Variants in STEAP1B observed in about 807,000 individuals in gnomAD.
STEAP1B encodes STEAP family protein MGC87042.
STEAP1B carries 13 observed loss-of-function variants against 27.9 expected under a neutral mutation model. The ratio of observed to expected loss-of-function variants is 0.47; its 90% CI spans 0.30 to 0.74. The LOEUF is 0.74. STEAP1B is among the 30% of genes least tolerant of loss of function. The probability of loss-of-function intolerance (pLI) is 0.06; values close to 1 mark genes in which losing one functional copy is unlikely to be tolerated. For synonymous variants in STEAP1B, 86 were observed against 107.1 expected, an observed-to-expected ratio of 0.80 and a Z score of 1.22; for missense variants, 250 against 298.7, an observed-to-expected ratio of 0.84 and a Z score of 1.20.
intron 4 of STEAP1B, among the ~76,000 whole-genome samples, chr7:22,477,295 G>C (rs976506526): frequency 6.6e-6 from 1 of 152,138 alleles, no homozygotes; most frequent in African/African-American, 2.4e-5. Flanking sequence ...TGCCAGGCCT[G>C]AACTTGATCT....
At chr7:22,419,862 T>G in intron 4 of STEAP1B, 26 bp from the exon 5 acceptor site, 2 of 1,546,874 alleles carry the variant, frequency 1.3e-6, no homozygotes, top group Non-Finnish European at 1.7e-6. Context: ...CAAGAAAGAG[T>G]TGATGTATAG....
At chr7:22,438,426 G>A in intron 4 of STEAP1B, 3 of 1,495,958 alleles carry the variant, frequency 2.0e-6, no homozygotes, top group Non-Finnish European at 2.7e-6. Context: ...CTTCTACCAT[G>A]GTCTGGTCTG....
intron 4 of STEAP1B, among the ~76,000 whole-genome samples, chr7:22,446,443 C>T (rs542218415): frequency 3.9e-5 from 6 of 152,226 alleles, no homozygotes; most frequent in Non-Finnish European, 7.3e-5. Context: ...CCCAGAAAGA[C>T]AGAATCGGGA....
At chr7:22,451,256 A>T (rs555680457) in intron 4 of STEAP1B, among the ~76,000 whole-genome samples, 2 of 151,504 alleles carry the variant, frequency 1.3e-5, no homozygotes, top group South Asian at 4.2e-4. Context: ...TTGTATGTTG[A>T]TTTTGTATCC....
chr7:22,468,883 C>G (rs576735878), intron 4 of STEAP1B, among the ~76,000 whole-genome samples: 18 of 152,352 alleles, frequency 1.2e-4, no homozygotes, highest in Middle Eastern at 3.4e-3. Context: ...ACCTATTGCA[C>G]TGCCAGTCAT....
intron 4 of STEAP1B, among the ~76,000 whole-genome samples, chr7:22,458,163 G>T (rs762036157): frequency 3.3e-5 from 5 of 152,200 alleles, no homozygotes; most frequent in Non-Finnish European, 7.3e-5. Flanking sequence ...AAACATATCA[G>T]GTGACAACTA....
intron 4 of STEAP1B, among the ~76,000 whole-genome samples, chr7:22,437,732 G>C (rs770501834): frequency 4.6e-5 from 7 of 152,090 alleles, no homozygotes; most frequent in African/African-American, 7.2e-5. Context: ...CAGTGTAAAA[G>C]GTTTTTCTCT....
chr7:22,479,438 T>C (rs998931935), intron 4 of STEAP1B, among the ~76,000 whole-genome samples: 6 of 152,204 alleles, frequency 3.9e-5, no homozygotes, highest in Non-Finnish European at 8.8e-5. Context: ...TTCTGCTAGG[T>C]AAGTAGAAAA....
intron 4 of STEAP1B, among the ~76,000 whole-genome samples, chr7:22,438,973 A>G (rs924322857): frequency 2.6e-5 from 4 of 152,230 alleles, no homozygotes; most frequent in African/African-American, 4.8e-5. Context: ...TGTTAAATGA[A>G]AAACTAAGTA....
At chr7:22,456,972 A>ATATATTTATATATATTTTTTTTTTTTTTT in intron 4 of STEAP1B, among the ~76,000 whole-genome samples, 1 of 57,046 alleles carries the variant, frequency 1.8e-5, no homozygotes, top group Non-Finnish European at 3.3e-5. Flanking sequence ...ATATATATAT[A>ATATATTTATATATATTTTTTTTTTTTTTT]TTTTTTTTTT....
intron 4 of STEAP1B, among the ~76,000 whole-genome samples, chr7:22,456,653 T>C (rs1002989369): frequency 4.6e-5 from 7 of 151,986 alleles, no homozygotes; most frequent in African/African-American, 7.3e-5. Flanking sequence ...AAGATGTGAA[T>C]CTGAAAGAAA....
chr7:22,485,582 G>A (rs994423027), intron 4 of STEAP1B, among the ~76,000 whole-genome samples: 1 of 152,200 alleles, frequency 6.6e-6, no homozygotes, highest in South Asian at 2.1e-4. Flanking sequence ...TCAAACTCCT[G>A]ACTTCAAATG....
At position 22,493,923 on chromosome 7, in the gene STEAP1B, G is replaced by A. The variant is rs570083231; in HGVS notation, c.85-87C>T. 2,536 of 1,430,900 alleles carry A rather than the reference G, an allele frequency of 1.8e-3. 50 individuals carry two copies. In the African/African-American group the frequency reaches 0.035, roughly 20 times the overall value. The allele number at this position is 1,430,900 out of a possible 1,614,324, so 88.6% of individuals were successfully genotyped here. A position where few individuals can be genotyped will look rare whatever the true frequency, so the allele number is the denominator to read the frequency against. On this transcript the variant is annotated intron_variant, in intron 2 of 4. Transcript: ENST00000678116. ...TAATTACTTATTGCTCAATCATTGT[G>A]CTTCTCATTGAATAAGGGCATTCAG...
At position 22,440,270 on chromosome 7, in the gene STEAP1B, T is replaced by C. The variant is rs1037088021; in HGVS notation, c.763-20434A>G. Among the ~76,000 whole-genome samples, 14 of 152,302 alleles carry C rather than the reference T, an allele frequency of 9.2e-5. No individual in the cohort carries two copies. In the East Asian group the frequency reaches 2.7e-3, roughly 29 times the overall value. Reference sequence around the variant, plus strand: ...TTGTGGGAAGGATCTTTTGATGAAGTTTCTACTTTTAATTGGATCAATTTC... The same window carrying C: ...TTGTGGGAAGGATCTTTTGATGAAGCTTCTACTTTTAATTGGATCAATTTC... On this transcript the variant is annotated intron_variant, in intron 4 of 4. Transcript: ENST00000678116.
At chr7:22,483,651 G>A (rs1317200787) in intron 4 of STEAP1B, among the ~76,000 whole-genome samples, 3 of 152,122 alleles carry the variant, frequency 2.0e-5, no homozygotes, top group African/African-American at 7.2e-5. Flanking sequence ...ATGGTGATCT[G>A]TCATCAGTGA....
At chr7:22,442,752 G>C (rs980748828) in intron 4 of STEAP1B, among the ~76,000 whole-genome samples, 1 of 152,224 alleles carries the variant, frequency 6.6e-6, no homozygotes, top group African/African-American at 2.4e-5. Flanking sequence ...GTTAAAAAGA[G>C]AAAATGAGGC....
intron 3 of STEAP1B, 22 bp downstream of exon 3, chr7:22,493,302 A>T: frequency 1.3e-6 from 2 of 1,587,464 alleles, no homozygotes; most frequent in Non-Finnish European, 8.6e-7. Context: ...TATTAGTAAC[A>T]GTGACATCAT....
chr7:22,451,824 G>T (rs1329859192), intron 4 of STEAP1B, among the ~76,000 whole-genome samples: 3 of 152,162 alleles, frequency 2.0e-5, no homozygotes, highest in African/African-American at 7.2e-5. Flanking sequence ...ATATTCATAG[G>T]TATTGGCCTG....
In STEAP1B at chr7:22,454,874, T is replaced by A. The variant is rs1163134686; in HGVS notation, c.763-35038A>T. The stretch of plus-strand genomic sequence containing the variant: ...GTATATATATATATATATTTTTTTT[T>A]TTTTTTGAGACAGAGTCTCGCTGTG... On this transcript the variant is annotated intron_variant, in intron 4 of 4. Coordinates refer to ENST00000678116, the MANE Select transcript of STEAP1B (RefSeq NM_001382447.1). Among the ~76,000 whole-genome samples, 116 of 138,972 alleles carry A rather than the reference T, an allele frequency of 8.3e-4. 1 individual carries two copies. The South Asian group carries it at 8.9e-3, about 11-fold the overall frequency. 91.2% of individuals were successfully genotyped at this position (138,972 alleles called of 152,430 possible). A position where few individuals can be genotyped will look rare whatever the true frequency, so the allele number is the denominator to read the frequency against.
Sources: allele counts gnomAD v4.1 joint callset (sites outside exome capture counted in the v4.1 genomes callset), GRCh38; gene constraint gnomAD v4.1.1; transcripts MANE v1.5; gene names NCBI Gene and HGNC (gene_info 2026-07-23, HGNC 2026-07-21).